The following MKLN1 variants were observed in gnomAD, a reference collection of about 807,000 sequenced individuals.
MKLN1 encodes muskelin 1, also known as muskelin.
MKLN1 carries 18 observed loss-of-function variants against 99.0 expected under a neutral mutation model. The observed-to-expected ratio is 0.18, with a 90% CI of 0.13 to 0.27. The LOEUF (loss-of-function observed/expected upper bound fraction) is 0.27. MKLN1 is among the 10% of genes least tolerant of loss of function. The pLI is 1.00. For synonymous variants in MKLN1, 288 were observed against 293.2 expected, an observed-to-expected ratio of 0.98 and a Z score of 0.18; for missense variants, 621 against 875.9, an observed-to-expected ratio of 0.71 and a Z score of 3.67.
At chr7:131,288,199 G>A (rs913446787) in intron 3 of MKLN1, among the ~76,000 whole-genome samples, 2 of 152,180 alleles carry the variant, frequency 1.3e-5, no homozygotes, top group South Asian at 2.1e-4. Context: ...CCAATGGCAG[G>A]CATCAGCAAG....
At chr7:131,445,746 C>G (rs749588425) in intron 11 of MKLN1, 28 bp from the exon 12 acceptor site, 1 of 1,565,718 alleles carries the variant, frequency 6.4e-7, no homozygotes, top group East Asian at 2.3e-5. Flanking sequence ...TAAGTTACTC[C>G]TTTCTTTTTT....
At chr7:131,148,445 C>T (rs947071482) in intron 2 of MKLN1, among the ~76,000 whole-genome samples, 1 of 152,042 alleles carries the variant, frequency 6.6e-6, no homozygotes, top group African/African-American at 2.4e-5. Flanking sequence ...TTTAAATTGC[C>T]CAGCTTTCTC....
chr7:131,317,075 C>A (rs193173493), intron 3 of MKLN1, among the ~76,000 whole-genome samples: 1 of 152,062 alleles, frequency 6.6e-6, no homozygotes, highest in African/African-American at 2.4e-5. Context: ...GCAAGACAGA[C>A]CAACATTCAA....
rs62472031 is a variant in MKLN1 at position 131,303,589 on chromosome 7, G to T, written c.-178-71835G>T. Reference sequence around the variant, plus strand: ...AAATAAGATTGAGGCAGAACCATTTGTTTTAGGAAAGTATCAGAGATTCCA... The same window carrying T: ...AAATAAGATTGAGGCAGAACCATTTTTTTTAGGAAAGTATCAGAGATTCCA... On this transcript the variant is annotated intron_variant, in intron 3 of 7. Coordinates refer to the MKLN1 transcript ENST00000416992. Among the ~76,000 whole-genome samples, 1,397 of 152,308 alleles carry T rather than the reference G, an allele frequency of 9.2e-3. 7 individuals are homozygous for T. The highest frequency in any genetic ancestry group is 0.014 in the Non-Finnish European group (945 of 68,024).
At chr7:131,307,158 G>A (rs2116630060) in intron 3 of MKLN1, among the ~76,000 whole-genome samples, 1 of 152,278 alleles carries the variant, frequency 6.6e-6, no homozygotes, top group East Asian at 1.9e-4. Context: ...ATATCTTGGT[G>A]GCTTCTATGT....
At chr7:131,274,136 A>C (rs1797927052) in intron 3 of MKLN1, among the ~76,000 whole-genome samples, 1 of 152,180 alleles carries the variant, frequency 6.6e-6, no homozygotes, top group Non-Finnish European at 1.5e-5. Flanking sequence ...GGTATTATTA[A>C]GTTATTTTAC....
chr7:131,238,753 A>G (rs1012866730), intron 3 of MKLN1, among the ~76,000 whole-genome samples: 32 of 152,220 alleles, frequency 2.1e-4, no homozygotes, highest in African/African-American at 7.2e-4. Flanking sequence ...GTGGTAATTC[A>G]AGGAACTAGG....
At chr7:131,288,217 GGGTA>G (rs2116593542) in intron 3 of MKLN1, among the ~76,000 whole-genome samples, 1 of 152,290 alleles carries the variant, frequency 6.6e-6, no homozygotes, top group East Asian at 1.9e-4. Flanking sequence ...AAGTATCAGA[GGGTA>G]GGAGGCAAAA....
chr7:131,259,108 AT>A (rs200869757), intron 3 of MKLN1, among the ~76,000 whole-genome samples: 2 of 151,890 alleles, frequency 1.3e-5, no homozygotes, highest in African/African-American at 2.4e-5. Flanking sequence ...TTCTTTTTGG[AT>A]TTTTTAAAAA....
intron 3 of MKLN1, among the ~76,000 whole-genome samples, chr7:131,208,844 T>C (rs1796856908): frequency 6.6e-6 from 1 of 152,152 alleles, no homozygotes; most frequent in South Asian, 2.1e-4. Context: ...CACTTACTTT[T>C]CATTACGTGA....
chr7:131,492,289 T>C lies in MKLN1; in HGVS notation c.*4561T>C, dbSNP rs1464825429. Reference sequence around the variant, plus strand: ...GAGTAACATTGATTTCTGCTGAAGTTAGAATTTGTGTTAAGAATTGACTTT... The same window carrying C: ...GAGTAACATTGATTTCTGCTGAAGTCAGAATTTGTGTTAAGAATTGACTTT... On this transcript the variant is annotated 3_prime_UTR_variant, in exon 18 of 18. Transcript: ENST00000352689. 6.6e-6 allele frequency: 1 copy of C among 152,238 alleles called. No individual in the cohort carries two copies. The highest frequency in any genetic ancestry group is 1.5e-5 in the Non-Finnish European group (1 of 68,034). The allele number at this position is 152,238 out of a possible 1,614,324, so 9.4% of individuals were successfully genotyped here.
chr7:131,449,650 GT>G (rs150929504), intron 12 of MKLN1, among the ~76,000 whole-genome samples: 4,544 of 150,474 alleles, frequency 0.03, 217 homozygotes, highest in African/African-American at 0.097. Context: ...CTTTTTTTCT[GT>G]TTTTTTTTCC....
At chr7:131,148,146 T>C (rs1795840762) in intron 2 of MKLN1, among the ~76,000 whole-genome samples, 1 of 152,116 alleles carries the variant, frequency 6.6e-6, no homozygotes, top group African/African-American at 2.4e-5. Flanking sequence ...ACTCTTGGGC[T>C]CAAGTCATCC....
intron 2 of MKLN1, among the ~76,000 whole-genome samples, chr7:131,201,003 C>G (rs750939516): frequency 6.6e-6 from 1 of 152,172 alleles, no homozygotes; most frequent in Non-Finnish European, 1.5e-5. Flanking sequence ...CTTCCTCCTT[C>G]CCTAAATTCA....
At chr7:131,118,122 G>T (rs1294966452) in intron 1 of MKLN1, among the ~76,000 whole-genome samples, 5 of 152,276 alleles carry the variant, frequency 3.3e-5, no homozygotes, top group Non-Finnish European at 5.9e-5. Context: ...GGTCATAAGA[G>T]ACCTGGTTGT....
intron 2 of MKLN1, among the ~76,000 whole-genome samples, chr7:131,188,526 G>A (rs1796485605): frequency 6.6e-6 from 1 of 152,206 alleles, no homozygotes; most frequent in South Asian, 2.1e-4. Context: ...CAGCCGGCTA[G>A]CCTGGACTTG....
Position 131,464,314 on chromosome 7 carries a change from A to G in MKLN1, c.1694A>G (p.Asp565Gly), listed in dbSNP as rs760158232. 2 of 1,612,264 alleles carry G rather than the reference A, an allele frequency of 1.2e-6. No individual in the cohort carries two copies. Among genetic ancestry groups the G allele is most frequent in the South Asian group, 2.2e-5 (2 of 90,980 alleles). ...RNSWSCVYKN[D>G]QAAKDNPTKS... ...TGCAGGTCTTGTGTCTATAAGAATG[A>G]TCAAGCTGCAAAGGATAATCCAACT... is the stretch of plus-strand genomic sequence containing the variant. Residue 565 changes from aspartate to glycine, a missense_variant, in exon 14 of 18, where the codon GAT (aspartate) becomes GGT (glycine). This residue lies in a region of MKLN1 where 30 missense variants were observed against 29.3 expected (regional missense o/e 1.02). Transcript: ENST00000352689.
At chr7:131,371,019 T>C (rs531173664) in intron 1 of MKLN1, among the ~76,000 whole-genome samples, 1 of 152,324 alleles carries the variant, frequency 6.6e-6, no homozygotes, top group East Asian at 1.9e-4. Context: ...TTATTTCTTT[T>C]TAATTTTCCT....
At chr7:131,289,321 G>A (rs1348799355) in intron 3 of MKLN1, among the ~76,000 whole-genome samples, 4 of 152,306 alleles carry the variant, frequency 2.6e-5, no homozygotes, top group African/African-American at 9.6e-5. Flanking sequence ...AGTGGGGAAG[G>A]ATGGTTATTA....
Sources: allele counts gnomAD v4.1 joint callset (sites outside exome capture counted in the v4.1 genomes callset), GRCh38; gene constraint gnomAD v4.1.1; regional missense constraint gnomAD v4.1.1; transcripts MANE v1.5; gene names NCBI Gene and HGNC (gene_info 2026-07-23, HGNC 2026-07-21).